Variants in COL22A1 observed in about 807,000 individuals in gnomAD.
COL22A1 encodes the protein collagen type XXII alpha 1 chain, also known as collagen alpha-1(XXII) chain.
In COL22A1, 221 loss-of-function variants were observed where a neutral mutation model predicts 248.9. The ratio of observed to expected loss-of-function variants is 0.89; its 90% CI spans 0.80 to 0.99. The LOEUF (loss-of-function observed/expected upper bound fraction) is 0.99, where lower values mean the gene tolerates loss of function less well. COL22A1 is among the 50% of genes least tolerant of loss of function. The probability of loss-of-function intolerance (pLI) is 0.00; values close to 1 mark genes in which losing one functional copy is unlikely to be tolerated. For missense variants in COL22A1, 2,240 were observed against 2,179.0 expected (o/e 1.03, Z -0.56); for synonymous variants, 891 against 793.4 (o/e 1.12, Z -2.07).
chr8:138,781,304 G>C (rs1233527698), intron 12 of COL22A1, among the ~76,000 whole-genome samples: 1 of 152,132 alleles, frequency 6.6e-6, no homozygotes, highest in Admixed American at 6.5e-5. Context: ...CCCTGGGCTT[G>C]GTCTCATATG....
chr8:138,625,320 G>T (rs1820145446), intron 51 of COL22A1, among the ~76,000 whole-genome samples: 1 of 151,866 alleles, frequency 6.6e-6, no homozygotes, highest in Non-Finnish European at 1.5e-5. Flanking sequence ...AGTGCATTCT[G>T]GGAATCAAAA....
At position 138,641,159 on chromosome 8, in the gene COL22A1, C is replaced by A. The variant is rs955779970; in HGVS notation, c.3502-4364G>T. Among the ~76,000 whole-genome samples the A allele has an allele frequency of 6.6e-5, 10 of 152,326 alleles. No homozygotes were observed. In the East Asian group the frequency reaches 1.4e-3, roughly 21 times the overall value. On this transcript the variant is annotated intron_variant, in intron 47 of 64. Coordinates refer to ENST00000303045, the MANE Select transcript of COL22A1 (RefSeq NM_152888.3). The stretch of plus-strand genomic sequence containing the variant: ...GGCAGTTACAGACGGAAAGAATTTT[C>A]TGCTCTAGGAAAGAACATGGAGTAA...
intron 47 of COL22A1, among the ~76,000 whole-genome samples, chr8:138,643,442 T>C (rs966562626): frequency 9.9e-5 from 15 of 152,178 alleles, no homozygotes; most frequent in Non-Finnish European, 1.8e-4. Context: ...GCTGGTGCTG[T>C]TGTCACAACA....
At chr8:138,634,389 T>A in intron 49 of COL22A1, among the ~76,000 whole-genome samples, 1 of 152,228 alleles carries the variant, frequency 6.6e-6, no homozygotes, top group African/African-American at 2.4e-5. Flanking sequence ...GGTCCTGGGC[T>A]TGGCAGGAAC....
chr8:138,725,331 A>G, intron 24 of COL22A1, 56 bp downstream of exon 24: 1 of 1,561,926 alleles, frequency 6.4e-7, no homozygotes, highest in Non-Finnish European at 8.8e-7. Flanking sequence ...CCCAGGTCCC[A>G]CAGGCCAGGA....
At chr8:138,889,367 G>A (rs573805309) in intron 1 of COL22A1, among the ~76,000 whole-genome samples, 26 of 152,282 alleles carry the variant, frequency 1.7e-4, no homozygotes, top group African/African-American at 5.3e-4. Flanking sequence ...TATACACCAC[G>A]GAATAATATG....
chr8:138,895,109 G>T (rs1430548849), intron 1 of COL22A1, among the ~76,000 whole-genome samples: 1 of 151,258 alleles, frequency 6.6e-6, no homozygotes, highest in Admixed American at 6.6e-5. Context: ...TATTTTTTTG[G>T]GGTGGTATCA....
rs1319394453 is a variant in COL22A1 at position 138,663,721 on chromosome 8, C to T, written c.3170G>A (p.Gly1057Glu). 1 of 1,611,334 alleles carries T rather than the reference C, an allele frequency of 6.2e-7. No homozygotes were observed. The highest frequency in any genetic ancestry group is 1.1e-5 in the South Asian group (1 of 91,022). Residue 1057 changes from glycine (G) to glutamate (E), a missense_variant, in exon 42 of 65, where the codon GGA becomes GAA. Physicochemically the swap from Gly to Glu is moderately conservative, Grantham distance 98. Coordinates refer to ENST00000303045, the MANE Select transcript of COL22A1 (RefSeq NM_152888.3). ...AGPPGPSGPP[G>E]DKGSPGSRGL... ...ATACTGTACCGGGGATCCTTTGTCT[C>T]CTGGTGGTCCGGAAGGGCCCTAGAA...
intron 35 of COL22A1, among the ~76,000 whole-genome samples, chr8:138,691,892 A>C (rs56651474): frequency 0.45 from 31,219 of 69,892 alleles, 4,478 homozygotes; most frequent in South Asian, 0.5. Context: ...GTATGTGTGG[A>C]GGTGTATGTG....
intron 41 of COL22A1, among the ~76,000 whole-genome samples, chr8:138,665,185 A>G (rs1024217640): frequency 2.0e-5 from 3 of 152,170 alleles, no homozygotes; most frequent in African/African-American, 4.8e-5. Flanking sequence ...GGTCTAGAGA[A>G]AGAGACAACT....
chr8:138,759,327 G>A (rs1427341979), intron 18 of COL22A1, among the ~76,000 whole-genome samples: 3 of 152,158 alleles, frequency 2.0e-5, no homozygotes, highest in Admixed American at 2.0e-4. Flanking sequence ...ACCTTCACCT[G>A]AACTCTGCGG....
intron 62 of COL22A1, 104 bp from the exon 63 acceptor site, chr8:138,594,303 G>A: frequency 1.1e-6 from 1 of 942,564 alleles, no homozygotes; most frequent in Non-Finnish European, 1.5e-6. Context: ...GATAATAGCT[G>A]CAGAAACGGA....
At chr8:138,647,910 T>G (rs1822353504) in intron 46 of COL22A1, among the ~76,000 whole-genome samples, 1 of 152,210 alleles carries the variant, frequency 6.6e-6, no homozygotes, top group Non-Finnish European at 1.5e-5. Flanking sequence ...GCCTCTGCAC[T>G]GATATCAAGA....
intron 63 of COL22A1, among the ~76,000 whole-genome samples, chr8:138,593,288 G>A (rs1208469974): frequency 6.6e-6 from 1 of 151,968 alleles, no homozygotes; most frequent in African/African-American, 2.4e-5. Flanking sequence ...AAACCTAGAT[G>A]ACGGTTTGAT....
chr8:138,685,217 A>C lies in COL22A1; in HGVS notation c.2958T>G (p.Asp986Glu). 2 of 1,611,524 alleles carry C rather than the reference A, an allele frequency of 1.2e-6. No homozygotes were observed. Among genetic ancestry groups the C allele is most frequent in the African/African-American group, 1.3e-5 (1 of 74,910 alleles). The change falls in exon 38 of 65, where the codon GAT becomes GAG. Residue 986 changes from aspartate (D) to glutamate (E), a missense_variant. By Grantham distance (45) the Asp-to-Glu change is conservative (BLOSUM62 2). Coordinates refer to ENST00000303045, the MANE Select transcript of COL22A1 (RefSeq NM_152888.3). ...GLPGPPGKGK[D>E]GEPGLRGSPG... ...CCGACCTTCCACTTACCGGCTCTCC[A>C]TCCTTCCCTTTTCCGGGTGGCCCAG...
At chr8:138,775,710 C>T (rs1007878640) in intron 16 of COL22A1, among the ~76,000 whole-genome samples, 1 of 152,186 alleles carries the variant, frequency 6.6e-6, no homozygotes, top group African/African-American at 2.4e-5. Context: ...CAGAGGATGA[C>T]AATACCTGCA....
chr8:138,881,405 G>C (rs944318878), intron 2 of COL22A1, among the ~76,000 whole-genome samples: 1 of 152,094 alleles, frequency 6.6e-6, no homozygotes, highest in East Asian at 1.9e-4. Flanking sequence ...TCACTTTCTG[G>C]GTGGGTGTGG....
chr8:138,905,191 T>A lies in COL22A1; in HGVS notation c.-73+8428A>T, dbSNP rs552454382. Reference sequence around the variant, plus strand: ...AGTGCTTCCTTCACACTCACAACACTTTTTGCACCACCATATAAATTCCAC... The same window carrying A: ...AGTGCTTCCTTCACACTCACAACACATTTTGCACCACCATATAAATTCCAC... On this transcript the variant is annotated intron_variant, in intron 1 of 64. Coordinates refer to ENST00000303045, the MANE Select transcript of COL22A1 (RefSeq NM_152888.3). Among the ~76,000 whole-genome samples the A allele has an allele frequency of 2.0e-5, 3 of 152,278 alleles. No homozygotes were observed. In the South Asian group the frequency reaches 6.2e-4, roughly 32 times the overall value.
chr8:138,827,718 C>T (rs1259797329), intron 5 of COL22A1, among the ~76,000 whole-genome samples: 1 of 150,996 alleles, frequency 6.6e-6, no homozygotes, highest in Non-Finnish European at 1.5e-5. Flanking sequence ...GCTCAATCCC[C>T]CCCACCGAGA....
Sources: gnomAD v4.1 joint callset for allele counts (sites outside exome capture counted in the v4.1 genomes callset) on GRCh38, gnomAD v4.1.1 for gene constraint, MANE v1.5 for transcripts, NCBI Gene and HGNC (gene_info 2026-07-23, HGNC 2026-07-21) for gene names.